The following SYT14 variants were observed in gnomAD, a reference collection of about 807,000 sequenced individuals.
SYT14 encodes the protein synaptotagmin 14.
In SYT14, 32 loss-of-function variants were observed where a neutral mutation model predicts 74.2. That is an observed-to-expected ratio of 0.43 (90% CI 0.33 to 0.58). SYT14 has a LOEUF of 0.58. SYT14 is among the 20% of genes least tolerant of loss of function. The pLI is 0.05. For missense variants in SYT14, 791 were observed against 981.8 expected (o/e 0.81, Z 2.60); for synonymous variants, 298 against 337.7 (o/e 0.88, Z 1.29).
chr1:209,966,197 G>A (rs1320356407), intron 2 of SYT14, among the ~76,000 whole-genome samples: 1 of 152,060 alleles, frequency 6.6e-6, no homozygotes, highest in Admixed American at 6.6e-5. Flanking sequence ...CTGTTCCATT[G>A]ATCTGTTTGT....
chr1:210,164,749 CAA>C lies in SYT14; in HGVS notation c.*3709_*3710del, dbSNP rs1352937823. 6 of 151,982 alleles carry C rather than the reference CAA, an allele frequency of 3.9e-5. No homozygotes were observed. In the East Asian group the frequency reaches 9.6e-4, roughly 24 times the overall value. The allele number at this position is 151,982 out of a possible 1,614,324, so 9.4% of individuals were successfully genotyped here. A position where few individuals can be genotyped will look rare whatever the true frequency, so the allele number is the denominator to read the frequency against. On this transcript the variant is annotated 3_prime_UTR_variant, in exon 10 of 10. Coordinates refer to ENST00000637265, the Ensembl canonical transcript of SYT14. Reference sequence around the variant, plus strand: ...GACTAGACAATTCACAGATTTTTCACAAAGACAGTTATTATATATATAGTTAT... The same window carrying C: ...GACTAGACAATTCACAGATTTTTCACAGACAGTTATTATATATATAGTTAT...
intron 2 of SYT14, among the ~76,000 whole-genome samples, chr1:209,975,954 T>G (rs1456854735): frequency 3.3e-5 from 5 of 152,214 alleles, no homozygotes; most frequent in South Asian, 2.1e-4. Context: ...GTCGAGGAAT[T>G]TATCCATTTC....
chr1:210,087,136 C>T (rs1346810964), intron 5 of SYT14, among the ~76,000 whole-genome samples: 1 of 152,168 alleles, frequency 6.6e-6, no homozygotes, highest in Non-Finnish European at 1.5e-5. Flanking sequence ...GCCCTGACTT[C>T]CTGCCTGAGT....
chr1:210,104,838 A>G (rs945441042), intron 7 of SYT14, among the ~76,000 whole-genome samples: 1 of 152,176 alleles, frequency 6.6e-6, no homozygotes, highest in Admixed American at 6.5e-5. Flanking sequence ...TAGTGAGGCT[A>G]TTGGACAATT....
intron 5 of SYT14, among the ~76,000 whole-genome samples, chr1:210,065,884 A>T (rs1206615909): frequency 9.7e-6 from 1 of 103,074 alleles, no homozygotes; most frequent in African/African-American, 3.5e-5. Flanking sequence ...CCTTCCCCCC[A>T]CCCCACAACA....
intron 2 of SYT14, among the ~76,000 whole-genome samples, chr1:209,999,674 C>G (rs1417511722): frequency 2.6e-5 from 4 of 152,076 alleles, no homozygotes; most frequent in African/African-American, 9.7e-5. Flanking sequence ...ATTGTATGCT[C>G]TCACTCATAT....
chr1:210,125,085 CA>C (rs1320382588), intron 7 of SYT14, among the ~76,000 whole-genome samples: 1 of 150,704 alleles, frequency 6.6e-6, no homozygotes, highest in African/African-American at 2.4e-5. Flanking sequence ...TTTTTAGATT[CA>C]GGGGGTAGGT....
intron 2 of SYT14, among the ~76,000 whole-genome samples, chr1:209,957,508 T>A (rs1401653365): frequency 6.6e-6 from 1 of 151,892 alleles, no homozygotes; most frequent in African/African-American, 2.4e-5. Flanking sequence ...CTCGCTGCAA[T>A]CTCCACCTCC....
chr1:210,026,213 T>C (rs1415827760), intron 5 of SYT14, among the ~76,000 whole-genome samples: 2 of 152,140 alleles, frequency 1.3e-5, no homozygotes, highest in Non-Finnish European at 2.9e-5. Context: ...TTTACTGTGT[T>C]GTGCTTAAAA....
At chr1:210,061,721 T>G (rs1244452324) in intron 5 of SYT14, among the ~76,000 whole-genome samples, 4 of 151,924 alleles carry the variant, frequency 2.6e-5, no homozygotes, top group African/African-American at 9.7e-5. Context: ...CTAACTTTAC[T>G]GATACAAAAA....
intron 6 of SYT14, among the ~76,000 whole-genome samples, chr1:210,096,335 A>G (rs1341546075): frequency 2.6e-5 from 4 of 152,204 alleles, no homozygotes; most frequent in African/African-American, 9.7e-5. Flanking sequence ...AGAGGAGTAA[A>G]GGACCAAAGT....
At chr1:209,985,124 C>G (rs1160348846) in intron 2 of SYT14, among the ~76,000 whole-genome samples, 1 of 152,156 alleles carries the variant, frequency 6.6e-6, no homozygotes, top group Non-Finnish European at 1.5e-5. Flanking sequence ...TTCCAATAGT[C>G]CCCCAAAGTT....
chr1:210,034,896 T>A (rs2080624916), intron 5 of SYT14, among the ~76,000 whole-genome samples: 1 of 151,918 alleles, frequency 6.6e-6, no homozygotes, highest in Non-Finnish European at 1.5e-5. Flanking sequence ...TTAGGTTGAT[T>A]CCATATTTTG....
At position 210,129,122 on chromosome 1, in the gene SYT14, T is replaced by TA. The variant is rs2082625882; in HGVS notation, c.2035-26594dup. On this transcript the variant is annotated intron_variant, in intron 7 of 9. Transcript: ENST00000637265. ...AATCCCCTACCATCATTTAATCATA[T>TA]AAAAAGCCAGAGATTACACTGAATA... Among the ~76,000 whole-genome samples, 6 of 152,298 alleles carry TA rather than the reference T, an allele frequency of 3.9e-5. No individual in the cohort carries two copies. In the South Asian group the frequency reaches 1.2e-3, roughly 32 times the overall value.
chr1:210,062,784 TTTAA>T (rs1390592107), intron 5 of SYT14, among the ~76,000 whole-genome samples: 2 of 151,898 alleles, frequency 1.3e-5, no homozygotes, highest in African/African-American at 2.4e-5. Context: ...TTCCTAACGT[TTTAA>T]TTGTTCTTTA....
intron 7 of SYT14, among the ~76,000 whole-genome samples, chr1:210,114,710 AGCC>A (rs2082325773): frequency 6.6e-6 from 1 of 151,210 alleles, no homozygotes; most frequent in Admixed American, 6.6e-5. Flanking sequence ...CTTTAGCTCC[AGCC>A]ACCTCTTTAA....
At chr1:210,018,996 C>T (rs759062228) in intron 4 of SYT14, among the ~76,000 whole-genome samples, 1 of 151,812 alleles carries the variant, frequency 6.6e-6, no homozygotes, top group African/African-American at 2.4e-5. Flanking sequence ...ATTAGCCGGG[C>T]ATGGTGGTGG....
chr1:209,982,648 C>CT lies in SYT14; in HGVS notation c.-486+29893dup, dbSNP rs111803547. On this transcript the variant is annotated intron_variant, in intron 2 of 9. Coordinates refer to ENST00000637265, the Ensembl canonical transcript of SYT14. ...GTTTTGGCAATTATGAATAAAGCTG[C>CT]TGTAAGCATCAATGTACACATTTTT... is the stretch of plus-strand genomic sequence containing the variant. Among the ~76,000 whole-genome samples the CT allele has an allele frequency of 8.2e-3, 1,243 of 152,290 alleles. 21 individuals are homozygous for CT. The highest frequency in any genetic ancestry group is 0.029 in the African/African-American group (1,188 of 41,556).
intron 2 of SYT14, among the ~76,000 whole-genome samples, chr1:210,001,191 T>C (rs1040591097): frequency 6.6e-6 from 1 of 152,160 alleles, no homozygotes; most frequent in African/African-American, 2.4e-5. Context: ...TTTTTTGCTA[T>C]ATTATTTTGG....
Sources: allele counts gnomAD v4.1 joint callset (sites outside exome capture counted in the v4.1 genomes callset), GRCh38; gene constraint gnomAD v4.1.1; transcripts MANE v1.5; gene names NCBI Gene and HGNC (gene_info 2026-07-23, HGNC 2026-07-21).